TMEM106A: variants seen among roughly 807,000 people sequenced by gnomAD.
TMEM106A encodes the protein transmembrane protein 106A.
In TMEM106A, 22 loss-of-function variants were observed where a neutral mutation model predicts 25.1. The observed-to-expected ratio is 0.88, with a 90% CI of 0.63 to 1.25. The LOEUF (loss-of-function observed/expected upper bound fraction) is 1.25, where lower values mean the gene tolerates loss of function less well. Ranked by LOEUF, TMEM106A falls within the 50% of genes most tolerant of loss-of-function variation. The pLI is 0.00. For synonymous variants in TMEM106A, 104 were observed against 129.9 expected (o/e 0.80, Z 1.35); for missense variants, 275 against 318.1 (o/e 0.86, Z 1.03).
At chr17:43,212,034 T>C (rs1338979874) in intron 1 of TMEM106A, 112 bp downstream of exon 1, 2 of 152,532 alleles carry the variant, frequency 1.3e-5, no homozygotes, top group African/African-American at 4.8e-5. Flanking sequence ...GGTACCAAGC[T>C]TGACTAACGG....
At position 43,217,941 on chromosome 17, in the gene TMEM106A, C is replaced by T; in HGVS notation, c.*140C>T. On this transcript the variant is annotated 3_prime_UTR_variant, in exon 9 of 9. Transcript: ENST00000612339. ...ATCACACCCTTACCTCCCACCCCCT[C>T]AGCACAGGAAGCTTGCTTTGAAGTT... The T allele has an allele frequency of 1.6e-6, 2 of 1,259,318 alleles. No homozygotes were observed. Among genetic ancestry groups the T allele is most frequent in the Admixed American group, 2.1e-5 (1 of 46,614 alleles). The allele number at this position is 1,259,318 out of a possible 1,614,324, so 78.0% of individuals were successfully genotyped here.
At position 43,217,250 on chromosome 17, in the gene TMEM106A, C is replaced by G. The variant is rs565231211; in HGVS notation, c.615-9C>G. The G allele has an allele frequency of 6.2e-7, 1 of 1,614,062 alleles. No individual in the cohort carries two copies. ...ACGTGGTCCCACGTTCTCTTTTCTT[C>G]TCTCTCAGCAAAATCTGTACCTGGC... On this transcript the variant is annotated splice_polypyrimidine_tract_variant and intron_variant, in intron 7 of 8. Coordinates refer to ENST00000612339, the MANE Select transcript of TMEM106A (RefSeq NM_145041.4).
At chr17:43,217,572 G>A (rs2057498155) in intron 8 of TMEM106A, 109 bp from the exon 9 acceptor site, 22 of 1,533,478 alleles carry the variant, frequency 1.4e-5, no homozygotes, top group Non-Finnish European at 1.9e-5. Context: ...GGGAGCCAGA[G>A]GGAAGGGCAA....
At chr17:43,216,406 A>G (rs748555827) in intron 5 of TMEM106A, 43 bp from the exon 6 acceptor site, 2 of 1,604,712 alleles carry the variant, frequency 1.2e-6, no homozygotes, top group African/African-American at 2.7e-5. Context: ...TTTCCTAAGG[A>G]TGGGCCATCT....
chr17:43,216,651 G>A, intron 6 of TMEM106A, 46 bp from the exon 7 acceptor site: 1 of 1,614,184 alleles, frequency 6.2e-7, no homozygotes, highest in Non-Finnish European at 8.5e-7. Flanking sequence ...TAGTGGGAAA[G>A]GGGCAGCTGG....
chr17:43,211,981 C>T (rs914020541), intron 1 of TMEM106A, 59 bp downstream of exon 1: 9 of 152,518 alleles, frequency 5.9e-5, no homozygotes, highest in African/African-American at 2.2e-4. Context: ...AAGACACCTC[C>T]TGTTGCCGCC....
rs201717997 is a variant in TMEM106A at position 43,217,226 on chromosome 17, C to T, written c.615-33C>T. ...AGCTGACAGGCTGCTCCATGTGACA[C>T]GTGGTCCCACGTTCTCTTTTCTTCT... On this transcript the variant is annotated intron_variant, in intron 7 of 8. Transcript: ENST00000612339. 6.5e-5 allele frequency: 104 copies of T among 1,612,204 alleles called. No homozygotes were observed. The East Asian group carries it at 2.1e-3, about 32-fold the overall frequency.
chr17:43,217,431 G>A (rs1374917214), intron 8 of TMEM106A, 119 bp downstream of exon 8: 1 of 1,374,588 alleles, frequency 7.3e-7, no homozygotes, highest in Non-Finnish European at 1.0e-6. Flanking sequence ...GTTGGCTCTT[G>A]GGAATAGCAA....
intron 4 of TMEM106A, among the ~76,000 whole-genome samples, chr17:43,214,236 A>G (rs1289083402): frequency 6.6e-6 from 1 of 151,618 alleles, no homozygotes; most frequent in Non-Finnish European, 1.5e-5. Flanking sequence ...AGAAAGAAAG[A>G]AAAAAGCAGC....
At chr17:43,217,625 G>T (rs2057498735) in intron 8 of TMEM106A, 56 bp from the exon 9 acceptor site, 3 of 1,609,374 alleles carry the variant, frequency 1.9e-6, no homozygotes, top group South Asian at 1.1e-5. Flanking sequence ...AGTATAATGG[G>T]GCCAGAGCTT....
rs1236354188 is a variant in TMEM106A, at chr17:43,216,556, TCTC to T, written c.540_542del (p.Leu181del). Reference sequence around the variant, plus strand: ...TGGTGGGGCAGGTTTCCAACAACCTTCTCCTACACATTGGCCCTTTGGCCAGTG... The same window carrying T: ...TGGTGGGGCAGGTTTCCAACAACCTTCTACACATTGGCCCTTTGGCCAGTG... On this transcript the variant is annotated inframe_deletion, in exon 6 of 9. Coordinates refer to ENST00000612339, the MANE Select transcript of TMEM106A (RefSeq NM_145041.4). 6.2e-7 allele frequency: 1 copy of T among 1,614,032 alleles called. No individual in the cohort carries two copies. Among genetic ancestry groups the T allele is most frequent in the African/African-American group, 1.3e-5 (1 of 74,920 alleles).
Position 43,215,892 on chromosome 17 carries a change from A to G in TMEM106A, c.380A>G (p.Asn127Ser), listed in dbSNP as rs896044686. The G allele has an allele frequency of 3.1e-6, 5 of 1,613,628 alleles. No individual in the cohort carries two copies. The African/African-American group carries it at 4.0e-5, about 13-fold the overall frequency. Residue 127 changes from asparagine to serine, a missense_variant, in exon 5 of 9, where the codon AAC becomes AGC. Coordinates refer to ENST00000612339, the MANE Select transcript of TMEM106A (RefSeq NM_145041.4). ...RSVIVQPAGL[N>S]SSTVAFDEAD... ...GTCATTGTGCAGCCTGCAGGCCTCA[A>G]CTCCTCCACAGTGGCCTTTGATGAG...
At chr17:43,215,971 C>A (rs775157552) in intron 5 of TMEM106A, 30 bp downstream of exon 5, 105 of 1,612,862 alleles carry the variant, frequency 6.5e-5, no homozygotes, top group Admixed American at 1.2e-4. Flanking sequence ...TCCAAACCCC[C>A]CTTCCTAGCA....
intron 8 of TMEM106A, 83 bp from the exon 9 acceptor site, chr17:43,217,598 G>T: frequency 1.3e-6 from 2 of 1,560,000 alleles, no homozygotes; most frequent in Non-Finnish European, 1.7e-6. Context: ...GGAGCTCCCC[G>T]CTCCCCACCC....
chr17:43,216,376 G>T, intron 5 of TMEM106A, 73 bp from the exon 6 acceptor site: 5 of 1,584,126 alleles, frequency 3.2e-6, no homozygotes, highest in Non-Finnish European at 4.3e-6. Flanking sequence ...AGACAGCCAG[G>T]CTTTTGCAAC....
intron 2 of TMEM106A, 68 bp downstream of exon 2, chr17:43,212,462 C>G (rs2057441521): frequency 6.5e-6 from 1 of 153,086 alleles, no homozygotes; most frequent in South Asian, 2.0e-4. Flanking sequence ...TTCTGTCACA[C>G]AGAGTCCAGA....
At position 43,217,299 on chromosome 17, in the gene TMEM106A, C is replaced by T; in HGVS notation, c.655C>T (p.Leu219Phe). ...GCTGGAAATCAAAGTCCACCATGTGCTTTTGCACATCCAGTAAGTAGAGCT... is the reference window on the plus strand; with the variant it reads ...GCTGGAAATCAAAGTCCACCATGTGTTTTTGCACATCCAGTAAGTAGAGCT... The part of the protein sequence containing the change: ...TWLEIKVHHV[L>F]LHIQGTLTCS... Residue 219 changes from leucine to phenylalanine, a missense_variant, in exon 8 of 9, where the codon CTT (leucine) becomes TTT (phenylalanine). By Grantham distance (22) the Leu-to-Phe change is conservative (BLOSUM62 0). Transcript: ENST00000612339. 6.2e-7 allele frequency: 1 copy of T among 1,614,240 alleles called. No homozygotes were observed. The highest frequency in any genetic ancestry group is 8.5e-7 in the Non-Finnish European group (1 of 1,180,036).
chr17:43,216,355 G>A (rs2057485788), intron 5 of TMEM106A, 94 bp from the exon 6 acceptor site: 8 of 1,515,370 alleles, frequency 5.3e-6, no homozygotes, highest in East Asian at 2.3e-5. Flanking sequence ...ATGGTAGATG[G>A]GGCTCAGGCC....
chr17:43,217,985 T>G lies in TMEM106A; in HGVS notation c.*184T>G, dbSNP rs1428932473. On this transcript the variant is annotated 3_prime_UTR_variant, in exon 9 of 9. Coordinates refer to ENST00000612339, the MANE Select transcript of TMEM106A (RefSeq NM_145041.4). ...TGAAGTTAACTTCATACACACACAC[T>G]CATATCCTCCAGTTTCCCCCAGATT... The G allele has an allele frequency of 1.3e-5, 10 of 757,818 alleles. No homozygotes were observed. In the African/African-American group the frequency reaches 1.8e-4, roughly 13 times the overall value. 46.9% of individuals were successfully genotyped at this position (757,818 alleles called of 1,614,324 possible).
Sources: allele counts gnomAD v4.1 joint callset (sites outside exome capture counted in the v4.1 genomes callset), GRCh38; gene constraint gnomAD v4.1.1; transcripts MANE v1.5; gene names NCBI Gene and HGNC (gene_info 2026-07-23, HGNC 2026-07-21).